The following ENOX2 variants were observed in gnomAD, a reference collection of about 807,000 sequenced individuals.
The protein encoded by ENOX2 is ecto-NOX disulfide-thiol exchanger 2.
In ENOX2, 36 loss-of-function variants were observed where a neutral mutation model predicts 45.0. The observed-to-expected ratio is 0.80, with a 90% CI of 0.61 to 1.06. The LOEUF (loss-of-function observed/expected upper bound fraction) is 1.06. Among genes scored for constraint, ENOX2 ranks in the 50% least tolerant of loss-of-function variants. ENOX2 has a pLI of 0.00. For missense variants in ENOX2, 423 were observed against 462.5 expected, an observed-to-expected ratio of 0.91 and a Z score of 0.78; for synonymous variants, 174 against 152.3, an observed-to-expected ratio of 1.14 and a Z score of -1.05.
At chrX:130,812,395 G>A (rs1352972994) in intron 2 of ENOX2, among the ~76,000 whole-genome samples, 1 of 111,719 alleles carries the variant, frequency 9.0e-6, no homozygotes, top group Non-Finnish European at 1.9e-5. Context: ...CAGGCCAGGA[G>A]AGAGCAGCAT....
intron 3 of ENOX2, among the ~76,000 whole-genome samples, chrX:130,718,243 T>C (rs1230077810): frequency 8.9e-6 from 1 of 112,331 alleles, no homozygotes; most frequent in Admixed American, 9.5e-5. Flanking sequence ...TTTCCTTTTG[T>C]TCTTTAAATG....
At chrX:130,682,351 G>A (rs2037327211) in intron 5 of ENOX2, among the ~76,000 whole-genome samples, 1 of 109,053 alleles carries the variant, frequency 9.2e-6, no homozygotes, top group Non-Finnish European at 1.9e-5. Flanking sequence ...TTGGGGGGCT[G>A]AGGTGGGCGG....
intron 3 of ENOX2, among the ~76,000 whole-genome samples, chrX:130,736,883 C>G (rs1032180393): frequency 7.2e-5 from 8 of 111,591 alleles, no homozygotes; most frequent in African/African-American, 2.6e-4. Context: ...TGGGGCCATG[C>G]TTTACATAGG....
chrX:130,865,585 T>G (rs182866509), intron 2 of ENOX2, among the ~76,000 whole-genome samples: 269 of 112,557 alleles, frequency 2.4e-3, no homozygotes, highest in African/African-American at 8.2e-3. Context: ...TATACTCATT[T>G]ATTGATTCAC....
chrX:130,864,058 C>T (rs1373351251), intron 2 of ENOX2, among the ~76,000 whole-genome samples: 1 of 110,058 alleles, frequency 9.1e-6, no homozygotes, highest in Non-Finnish European at 1.9e-5. Flanking sequence ...TTTGGCTTTT[C>T]GGTTTCTTCT....
At chrX:130,773,956 T>G (rs2148378040) in intron 3 of ENOX2, among the ~76,000 whole-genome samples, 1 of 112,132 alleles carries the variant, frequency 8.9e-6, no homozygotes, top group South Asian at 3.8e-4. Flanking sequence ...GGATTTTTAT[T>G]TCTGTAGATA....
intron 5 of ENOX2, among the ~76,000 whole-genome samples, chrX:130,682,583 C>CAAAAAAAAAAAAAAAAAAAAAA (rs55875735): frequency 6.8e-5 from 1 of 14,659 alleles, no homozygotes; most frequent in African/African-American, 2.0e-4. Flanking sequence ...GACTCCGTCT[C>CAAAAAAAAAAAAAAAAAAAAAA]AAAAAAAAAA....
intron 2 of ENOX2, among the ~76,000 whole-genome samples, chrX:130,785,462 CT>C (rs2076955652): frequency 9.0e-6 from 1 of 111,492 alleles, no homozygotes; most frequent in African/African-American, 3.3e-5. Context: ...CATTAAATGT[CT>C]TCTGGAACTT....
At chrX:130,876,341 A>G (rs2148563595) in intron 2 of ENOX2, among the ~76,000 whole-genome samples, 1 of 112,036 alleles carries the variant, frequency 8.9e-6, no homozygotes, top group African/African-American at 3.2e-5. Flanking sequence ...AAGAAGCCAG[A>G]TGAAAAAGGC....
chrX:130,676,324 T>TG (rs1281902537), intron 6 of ENOX2, among the ~76,000 whole-genome samples: 1 of 112,142 alleles, frequency 8.9e-6, no homozygotes, highest in Non-Finnish European at 1.9e-5. Context: ...GGGATTTTTT[T>TG]TTTGTTTCTT....
chrX:130,787,834 T>G (rs1045308421), intron 2 of ENOX2, among the ~76,000 whole-genome samples: 7 of 111,725 alleles, frequency 6.3e-5, no homozygotes, highest in African/African-American at 2.3e-4. Context: ...GCCTAATTTT[T>G]TTTATAGAGA....
rs190830056 is a variant in ENOX2 at position 130,829,888 on chromosome X, G to C, written c.-182-46198C>G. 5.4e-5 allele frequency among the ~76,000 whole-genome samples: 6 copies of C among 112,058 alleles called. No homozygotes were observed. The East Asian group carries it at 1.7e-3, about 31-fold the overall frequency. ...ACATTTTATTAATGAGAAATTGGTT[G>C]AGATCAAGAATTGTCACAAGAGGAA... is the stretch of plus-strand genomic sequence containing the variant. On this transcript the variant is annotated intron_variant, in intron 2 of 14. Coordinates refer to ENST00000394363, the MANE Select transcript of ENOX2 (RefSeq NM_006375.4).
At chrX:130,750,848 C>T (rs1253653351) in intron 3 of ENOX2, among the ~76,000 whole-genome samples, 1 of 111,351 alleles carries the variant, frequency 9.0e-6, no homozygotes, top group Non-Finnish European at 1.9e-5. Context: ...CTGTATCTAC[C>T]TGTTCTGTCT....
chrX:130,703,285 T>C (rs1485552725), intron 3 of ENOX2, 31 bp from the exon 4 acceptor site: 5 of 1,177,189 alleles, frequency 4.2e-6, no homozygotes, highest in Non-Finnish European at 5.7e-6. Context: ...AAATAATTTG[T>C]TGTGTTAAGG....
intron 2 of ENOX2, among the ~76,000 whole-genome samples, chrX:130,887,167 C>CA (rs1387712651): frequency 1.8e-5 from 2 of 111,494 alleles, no homozygotes; most frequent in African/African-American, 6.5e-5. Context: ...GAAAGAAATG[C>CA]ACTTTGAAAC....
At chrX:130,805,570 C>T (rs1232926000) in intron 2 of ENOX2, among the ~76,000 whole-genome samples, 1 of 111,584 alleles carries the variant, frequency 9.0e-6, no homozygotes, top group Admixed American at 9.5e-5. Flanking sequence ...GTCTGCTCAA[C>T]ACTCACCCTC....
rs1226306999 is a variant in ENOX2 at position 130,669,951 on chromosome X, A to G, written c.694+14T>C. 1 of 1,101,626 alleles carries G rather than the reference A, an allele frequency of 9.1e-7. No individual in the cohort carries two copies. The highest frequency in any genetic ancestry group is 2.2e-5 in the Admixed American group (1 of 45,923). The allele number at this position is 1,101,626 out of a possible 1,213,427, so 90.8% of individuals were successfully genotyped here. ...AGAGTTCTTTTAATCATGAAGCTTG[A>G]GTGCCTTTGATACCTTTTAATTTTT... On this transcript the variant is annotated intron_variant, in intron 7 of 14. Coordinates refer to ENST00000394363, the MANE Select transcript of ENOX2 (RefSeq NM_006375.4).
At chrX:130,658,933 T>C (rs2036613104) in intron 9 of ENOX2, among the ~76,000 whole-genome samples, 1 of 111,998 alleles carries the variant, frequency 8.9e-6, no homozygotes, top group South Asian at 3.7e-4. Context: ...AACACAGACC[T>C]TCAGGAAGGC....
intron 6 of ENOX2, among the ~76,000 whole-genome samples, chrX:130,675,370 T>G (rs990988298): frequency 2.7e-5 from 3 of 112,592 alleles, no homozygotes; most frequent in Non-Finnish European, 5.6e-5. Flanking sequence ...AAAGCATCCA[T>G]GGACAAAAGA....
Sources: gnomAD v4.1 joint callset for allele counts (sites outside exome capture counted in the v4.1 genomes callset) on GRCh38, gnomAD v4.1.1 for gene constraint, MANE v1.5 for transcripts, NCBI Gene and HGNC (gene_info 2026-07-23, HGNC 2026-07-21) for gene names.